The following RAD52 variants were observed in gnomAD, a reference collection of about 807,000 sequenced individuals.
The protein encoded by RAD52 is DNA repair protein RAD52 homolog.
A neutral mutation model predicts 55.5 loss-of-function variants in RAD52; 47 were observed. The ratio of observed to expected loss-of-function variants is 0.85; its 90% CI spans 0.67 to 1.08. The LOEUF (loss-of-function observed/expected upper bound fraction) is 1.08, where lower values mean the gene tolerates loss of function less well. RAD52 is among the 50% of genes least tolerant of loss of function. RAD52 has a pLI of 0.00. For missense variants in RAD52, 468 were observed against 522.8 expected (o/e 0.90, Z 1.02); for synonymous variants, 184 against 198.9 (o/e 0.92, Z 0.63).
Position 931,227 on chromosome 12 carries a change from C to G in RAD52, c.179G>C (p.Gly60Ala). Residue 60 changes from glycine (G) to alanine (A), a missense_variant, in exon 3 of 12, where the codon GGC becomes GCC. Coordinates refer to ENST00000358495, the MANE Select transcript of RAD52 (RefSeq NM_134424.4). ...GCACATGAATTCTCCTACCTTCTGG[C>G]CTCCGCCAGCCATGCGGCTACTTAT... is the stretch of plus-strand genomic sequence containing the variant. Reference protein sequence around the residue: ...EYISSRMAGGGQKVCYIEGHR... With the variant: ...EYISSRMAGGAQKVCYIEGHR... 1 of 1,611,886 alleles carries G rather than the reference C, an allele frequency of 6.2e-7. No individual in the cohort carries two copies. Among genetic ancestry groups the G allele is most frequent in the East Asian group, 2.2e-5 (1 of 44,766 alleles).
intron 1 of RAD52, among the ~76,000 whole-genome samples, chr12:944,333 G>A (rs1385836448): frequency 6.6e-6 from 1 of 151,996 alleles, no homozygotes; most frequent in African/African-American, 2.4e-5. Context: ...CAAGCCTAGG[G>A]AACATGGCTG....
chr12:953,865 A>T (rs1351819680), upstream of RAD52, among the ~76,000 whole-genome samples: 2 of 152,178 alleles, frequency 1.3e-5, no homozygotes, highest in Admixed American at 6.6e-5. Context: ...GTTCCTTTAT[A>T]AACTGTGTGA....
chr12:965,002 C>T (rs544973797), intron 1 of RAD52, among the ~76,000 whole-genome samples: 49 of 151,606 alleles, frequency 3.2e-4, no homozygotes, highest in Non-Finnish European at 4.3e-4. Flanking sequence ...TGTTTTTAGA[C>T]GGAGTCTCAC....
At chr12:957,961 G>A (rs746013464) in intron 1 of RAD52, among the ~76,000 whole-genome samples, 30 of 152,344 alleles carry the variant, frequency 2.0e-4, no homozygotes, top group Middle Eastern at 3.4e-3. Flanking sequence ...TCACCAGGGC[G>A]GTCTCGCCCC....
At chr12:938,208 T>C (rs1481044695) in intron 1 of RAD52, among the ~76,000 whole-genome samples, 1 of 152,224 alleles carries the variant, frequency 6.6e-6, no homozygotes, top group African/African-American at 2.4e-5. Flanking sequence ...AGTCACATCA[T>C]GTGCTTCCTG....
chr12:914,741 A>T (rs1379323045), intron 9 of RAD52, among the ~76,000 whole-genome samples: 1 of 152,200 alleles, frequency 6.6e-6, no homozygotes, highest in Non-Finnish European at 1.5e-5. Context: ...AATTCTTCTC[A>T]CCAGTGGGAA....
At chr12:924,017 C>A (rs57307148) in intron 7 of RAD52, among the ~76,000 whole-genome samples, 26,936 of 150,002 alleles carry the variant, frequency 0.18, 2,626 homozygotes, top group Admixed American at 0.23. Flanking sequence ...TGAGATCACA[C>A]TACTGCACTC....
chr12:932,613 C>A (rs1047855287), intron 2 of RAD52, among the ~76,000 whole-genome samples: 10 of 152,026 alleles, frequency 6.6e-5, no homozygotes, highest in Non-Finnish European at 1.2e-4. Flanking sequence ...TCCCCCCCCA[C>A]AAAAAATTTA....
At chr12:950,182 G>A (rs1244621804), upstream of RAD52, among the ~76,000 whole-genome samples, 2 of 152,162 alleles carry the variant, frequency 1.3e-5, no homozygotes, top group Non-Finnish European at 1.5e-5. Context: ...TCTCACCACC[G>A]CCGCGCACAT....
intron 11 of RAD52, 132 bp from the exon 12 acceptor site, chr12:913,584 G>T: frequency 1.2e-6 from 1 of 815,186 alleles, no homozygotes; most frequent in Non-Finnish European, 2.0e-6. Context: ...TTAGGAGGAA[G>T]GCAGATGATT....
intron 1 of RAD52, 49 bp from the exon 2 acceptor site, chr12:933,125 A>C: frequency 7.4e-7 from 1 of 1,350,390 alleles, no homozygotes; most frequent in Non-Finnish European, 1.0e-6. Context: ...AAGAATGTTT[A>C]AAGTAAAAGG....
Position 964,956 on chromosome 12 carries a change from C to CACCT in RAD52, c.-19+24852_-19+24853insAGGT, listed in dbSNP as rs1357224839. On this transcript the variant is annotated intron_variant, in intron 1 of 11. Transcript: ENST00000430095. Reference sequence around the variant, plus strand: ...TGTATTATACTCATCTTTGCCTGCCCGCCTGCCTGCCTTCCTTCCTTCCTT... The same window carrying CACCT: ...TGTATTATACTCATCTTTGCCTGCCCACCTGCCTGCCTGCCTTCCTTCCTTCCTT... 3.6e-4 allele frequency among the ~76,000 whole-genome samples: 8 copies of CACCT among 22,516 alleles called. No homozygotes were observed. In the East Asian group the frequency reaches 0.012, roughly 34 times the overall value. 14.8% of individuals were successfully genotyped at this position (22,516 alleles called of 152,430 possible). A position where few individuals can be genotyped will look rare whatever the true frequency, so the allele number is the denominator to read the frequency against.
chr12:970,001 A>G (rs1958819536), intron 1 of RAD52, among the ~76,000 whole-genome samples: 1 of 151,498 alleles, frequency 6.6e-6, no homozygotes, highest in Admixed American at 6.6e-5. Flanking sequence ...CATATATCCC[A>G]CTCCATTTCT....
At chr12:935,673 G>A (rs1592396457) in intron 1 of RAD52, among the ~76,000 whole-genome samples, 2 of 151,444 alleles carry the variant, frequency 1.3e-5, no homozygotes, top group South Asian at 2.1e-4. Flanking sequence ...GACCAACATG[G>A]AAAAACCCCG....
rs1956984296 is a variant in RAD52, at chr12:925,489, G to A, written c.504C>T (p.Asp168=). ...FGNALGNCIL[D]KDYLRSLNKL... ...TATTTAGTGATCTCAGGTAGTCTTT[G>A]TCCAGAATACAGTTTCCAAGTGCAT... Residue 168 remains aspartate, a synonymous_variant, in exon 7 of 12, where the codon GAC becomes GAT. Transcript: ENST00000358495. 1.2e-6 allele frequency: 2 copies of A among 1,613,886 alleles called. No individual in the cohort carries two copies. Among genetic ancestry groups the A allele is most frequent in the Non-Finnish European group, 1.7e-6 (2 of 1,179,834 alleles).
intron 9 of RAD52, among the ~76,000 whole-genome samples, chr12:915,844 AG>A (rs1489238353): frequency 5.3e-5 from 8 of 152,190 alleles, no homozygotes; most frequent in South Asian, 4.1e-4. Context: ...CCTCCCGAGT[AG>A]GGGGGACCAC....
chr12:983,413 T>A (rs1434697397), intron 1 of RAD52, among the ~76,000 whole-genome samples: 4 of 3,234 alleles, frequency 1.2e-3, no homozygotes, highest in African/African-American at 1.5e-3. Flanking sequence ...CCTGAAGATT[T>A]TTTTTTTTTT....
Position 934,786 on chromosome 12 carries a change from A to G in RAD52, c.-18-1710T>C, listed in dbSNP as rs1282004031. On this transcript the variant is annotated intron_variant, in intron 1 of 11. Coordinates refer to ENST00000358495, the MANE Select transcript of RAD52 (RefSeq NM_134424.4). ...TCATACCTCAAAAAAGCTGGGGGGTAGGGAAGAAAAATCAAGTGAATCTGT... is the reference window on the plus strand; with the variant it reads ...TCATACCTCAAAAAAGCTGGGGGGTGGGGAAGAAAAATCAAGTGAATCTGT... Among the ~76,000 whole-genome samples the G allele has an allele frequency of 3.3e-5, 5 of 152,170 alleles. No homozygotes were observed. In the East Asian group the frequency reaches 9.7e-4, roughly 29 times the overall value.
intron 3 of RAD52, 124 bp downstream of exon 3, chr12:931,096 G>A (rs1957304590): frequency 1.4e-6 from 1 of 701,780 alleles, no homozygotes; most frequent in Non-Finnish European, 2.3e-6. Context: ...CAGGGGCACT[G>A]GGAGACCTCC....
Sources: gnomAD v4.1 joint callset for allele counts (sites outside exome capture counted in the v4.1 genomes callset) on GRCh38, gnomAD v4.1.1 for gene constraint, MANE v1.5 for transcripts, NCBI Gene and HGNC (gene_info 2026-07-23, HGNC 2026-07-21) for gene names.